The following COL24A1 variants were observed in gnomAD, a reference collection of about 807,000 sequenced individuals.
COL24A1 encodes the protein collagen type XXIV alpha 1 chain, also known as collagen alpha-1(XXIV) chain.
In COL24A1, 224 loss-of-function variants were observed where a neutral mutation model predicts 253.9. The ratio of observed to expected loss-of-function variants is 0.88; its 90% confidence interval spans 0.79 to 0.99. The LOEUF (loss-of-function observed/expected upper bound fraction) is 0.99, where lower values mean the gene tolerates loss of function less well. COL24A1 is among the 50% of genes least tolerant of loss of function. The pLI, the probability that COL24A1 is intolerant of heterozygous loss-of-function variation, is 0.00. For synonymous variants in COL24A1, 685 were observed against 673.7 expected (o/e 1.02, Z -0.26); for missense variants, 2,131 against 2,068.5 (o/e 1.03, Z -0.59).
At chr1:85,766,277 C>T (rs1049371549) in intron 53 of COL24A1, among the ~76,000 whole-genome samples, 5 of 142,252 alleles carry the variant, frequency 3.5e-5, no homozygotes, top group East Asian at 2.2e-4. Flanking sequence ...GGCTGAAGCA[C>T]GGGAATCACT....
rs766852264 is a variant in COL24A1 at position 86,124,982 on chromosome 1, C to T, written c.1354G>A (p.Glu452Lys). ...DNHLDLRKEG[E>K]FYPDATYPIE... is the part of the protein sequence containing the mutation. The stretch of plus-strand genomic sequence containing the variant: ...GGATAAGTAGCATCAGGATAAAATT[C>T]ACCTTCTTTCCTTAGATCAAGGTGA... The change falls in exon 3 of 60, where the codon GAA becomes AAA. Residue 452 changes from glutamate (E) to lysine (K), a missense_variant. By Grantham distance (56) the Glu-to-Lys change is moderately conservative. Transcript: ENST00000370571. 6.2e-7 allele frequency: 1 copy of T among 1,613,226 alleles called. No individual in the cohort carries two copies. Among genetic ancestry groups the T allele is most frequent in the South Asian group, 1.1e-5 (1 of 91,026 alleles).
rs549789713 is a variant in COL24A1 at position 86,126,173 on chromosome 1, C to G, written c.163G>C (p.Val55Leu). Reference protein sequence around the residue: ...LHQLGLGGKDVRHSSPATAVP... With the variant: ...LHQLGLGGKDLRHSSPATAVP... ...GCAGTCGCTGGTGATGAGTGTCTTA[C>G]GTCTTTGCCTCCAAGGCCTAGTTGA... Residue 55 changes from valine to leucine, a missense_variant, in exon 3 of 60, where the codon GTA becomes CTA. Transcript: ENST00000370571. 107 of 1,605,448 alleles carry G rather than the reference C, an allele frequency of 6.7e-5. No individual in the cohort carries two copies. In the Admixed American group the frequency reaches 9.4e-4, roughly 14 times the overall value.
rs567638755 is a variant in COL24A1 at position 86,047,532 on chromosome 1, A to C, written c.1906-663T>G. On this transcript the variant is annotated intron_variant, in intron 11 of 59. Coordinates refer to ENST00000370571, the MANE Select transcript of COL24A1 (RefSeq NM_152890.7). Reference sequence around the variant, plus strand: ...CCTCTGTGTGTGCCTCATTTTCTTCATCTATGATGAGAAGAATAACAATAC... The same window carrying C: ...CCTCTGTGTGTGCCTCATTTTCTTCCTCTATGATGAGAAGAATAACAATAC... Among the ~76,000 whole-genome samples, 48 of 152,252 alleles carry C rather than the reference A, an allele frequency of 3.2e-4. No individual in the cohort carries two copies. In the South Asian group the frequency reaches 5.2e-3, roughly 16 times the overall value.
At chr1:85,785,097 A>G (rs1432640036) in intron 48 of COL24A1, among the ~76,000 whole-genome samples, 1 of 152,136 alleles carries the variant, frequency 6.6e-6, no homozygotes. Flanking sequence ...TGATTCAGCT[A>G]TCTAATACCA....
chr1:85,910,591 G>A (rs1571184162), intron 25 of COL24A1, among the ~76,000 whole-genome samples: 1 of 151,842 alleles, frequency 6.6e-6, no homozygotes, highest in Middle Eastern at 3.4e-3. Context: ...CTAATTGGGT[G>A]AAAAAAATTA....
chr1:85,849,021 G>T (rs1419440748), intron 38 of COL24A1, among the ~76,000 whole-genome samples: 1 of 152,098 alleles, frequency 6.6e-6, no homozygotes, highest in East Asian at 1.9e-4. Flanking sequence ...TACTAAAGTT[G>T]TCATTGAAAA....
chr1:86,142,541 C>CAAAAAAAAA (rs373720712), intron 2 of COL24A1, among the ~76,000 whole-genome samples: 5 of 143,998 alleles, frequency 3.5e-5, no homozygotes, highest in East Asian at 2.1e-4. Flanking sequence ...AAACAAAAAA[C>CAAAAAAAAA]AAAAAACAAA....
intron 2 of COL24A1, among the ~76,000 whole-genome samples, chr1:86,136,105 T>A (rs774836128): frequency 6.6e-5 from 10 of 152,162 alleles, no homozygotes; most frequent in Non-Finnish European, 1.2e-4. Context: ...TCATTCTCTT[T>A]CCTCCATATC....
intron 23 of COL24A1, among the ~76,000 whole-genome samples, chr1:85,963,270 G>A (rs997662835): frequency 6.6e-6 from 1 of 152,038 alleles, no homozygotes; most frequent in Non-Finnish European, 1.5e-5. Context: ...ACAGCAGTAG[G>A]TTTTAATAAC....
chr1:86,089,639 G>C (rs1284344512), intron 6 of COL24A1, among the ~76,000 whole-genome samples: 1 of 152,078 alleles, frequency 6.6e-6, no homozygotes, highest in African/African-American at 2.4e-5. Context: ...GGCCAACATG[G>C]TGAAACCCGT....
chr1:85,821,872 T>C (rs1386157905), intron 45 of COL24A1, among the ~76,000 whole-genome samples: 2 of 152,168 alleles, frequency 1.3e-5, no homozygotes, highest in African/African-American at 2.4e-5. Context: ...TCCTGAGACC[T>C]CTCAAGATGG....
intron 37 of COL24A1, among the ~76,000 whole-genome samples, chr1:85,858,861 T>A (rs435007): frequency 0.78 from 118,985 of 151,696 alleles, 47,019 homozygotes; most frequent in Non-Finnish European, 0.83. Flanking sequence ...CCTCCCACCC[T>A]AGTAGCTGGG....
chr1:86,050,127 T>G lies in COL24A1; in HGVS notation c.1902A>C (p.Glu634Asp), dbSNP rs1700196142. Reference protein sequence around the residue: ...GEAGQLGPEGERGIPGIRGKK... With the variant: ...GEAGQLGPEGDRGIPGIRGKK... ...TATTTGAAGGGAATGGACTTACCCG[T>G]TCTCCTTCAGGTCCCAGTTGTCCCG... Residue 634 changes from glutamate (E) to aspartate (D), a missense_variant, in exon 11 of 60, where the codon GAA (glutamate) becomes GAC (aspartate). Coordinates refer to ENST00000370571, the MANE Select transcript of COL24A1 (RefSeq NM_152890.7). The G allele has an allele frequency of 6.2e-7, 1 of 1,613,004 alleles. No homozygotes were observed. Among genetic ancestry groups the G allele is most frequent in the Admixed American group, 1.7e-5 (1 of 59,986 alleles).
chr1:86,094,491 TG>T (rs144828052), intron 5 of COL24A1, among the ~76,000 whole-genome samples: 43,545 of 150,916 alleles, frequency 0.29, 7,494 homozygotes, highest in Non-Finnish European at 0.38. Flanking sequence ...GGGTGGGAGG[TG>T]GGAGAGGATC....
chr1:85,779,493 G>C (rs534495165), intron 52 of COL24A1, among the ~76,000 whole-genome samples: 1 of 152,132 alleles, frequency 6.6e-6, no homozygotes, highest in African/African-American at 2.4e-5. Context: ...TTAGAGTAGA[G>C]ACATAGAGAT....
chr1:85,746,769 G>A (rs1226695852), intron 55 of COL24A1, among the ~76,000 whole-genome samples: 1 of 152,162 alleles, frequency 6.6e-6, no homozygotes, highest in African/African-American at 2.4e-5. Flanking sequence ...GAGACAGAAG[G>A]AGCATGGACT....
At chr1:86,013,124 C>T (rs1050913547) in intron 19 of COL24A1, among the ~76,000 whole-genome samples, 10 of 152,186 alleles carry the variant, frequency 6.6e-5, no homozygotes, top group African/African-American at 2.4e-4. Flanking sequence ...GTAATTTGCT[C>T]AAGGTACTCA....
chr1:85,833,971 T>TG (rs1282313224), intron 43 of COL24A1, among the ~76,000 whole-genome samples: 1 of 47,930 alleles, frequency 2.1e-5, no homozygotes, highest in Non-Finnish European at 3.7e-5. Flanking sequence ...TGTTGTGGGG[T>TG]GGGGGGAGGG....
chr1:86,124,810 G>A, intron 3 of COL24A1, 35 bp downstream of exon 3: 1 of 1,444,734 alleles, frequency 6.9e-7, no homozygotes. Flanking sequence ...ATGTAAGTTA[G>A]CATATTAGGA....
Sources: gnomAD v4.1 joint callset for allele counts (sites outside exome capture counted in the v4.1 genomes callset) on GRCh38, gnomAD v4.1.1 for gene constraint, MANE v1.5 for transcripts, NCBI Gene and HGNC (gene_info 2026-07-23, HGNC 2026-07-21) for gene names.